The following MYO9B variants were observed in gnomAD, a reference collection of about 807,000 sequenced individuals.
The protein encoded by MYO9B is unconventional myosin-IXb.
A neutral mutation model predicts 229.5 loss-of-function variants in MYO9B; 71 were observed. The observed-to-expected ratio is 0.31, with a 90% CI of 0.26 to 0.38. The LOEUF is 0.38. MYO9B is among the 10% of genes least tolerant of loss of function. The pLI, the probability that MYO9B is intolerant of heterozygous loss-of-function variation, is 1.00. For missense variants in MYO9B, 2,255 were observed against 2,920.5 expected, an observed-to-expected ratio of 0.77 and a Z score of 5.25; for synonymous variants, 1,185 against 1,235.8, an observed-to-expected ratio of 0.96 and a Z score of 0.86.
intron 2 of MYO9B, among the ~76,000 whole-genome samples, chr19:17,134,611 G>A (rs1371975563): frequency 1.3e-5 from 2 of 151,324 alleles, no homozygotes; most frequent in East Asian, 2.0e-4. Flanking sequence ...GGTTGGTGTC[G>A]AACTGACCTC....
At chr19:17,149,620 G>C (rs575472714) in intron 3 of MYO9B, among the ~76,000 whole-genome samples, 5 of 152,180 alleles carry the variant, frequency 3.3e-5, no homozygotes, top group Admixed American at 3.3e-4. Flanking sequence ...AGCCGGCTCA[G>C]ACCGGTTCTG....
At chr19:17,211,064 A>G (rs1211992437) in intron 38 of MYO9B, among the ~76,000 whole-genome samples, 1 of 143,328 alleles carries the variant, frequency 7.0e-6, no homozygotes, top group Non-Finnish European at 1.5e-5. Context: ...GCTCACTGCA[A>G]CCTCCATCTC....
At chr19:17,139,821 C>G (rs868826987) in intron 2 of MYO9B, among the ~76,000 whole-genome samples, 3 of 152,216 alleles carry the variant, frequency 2.0e-5, no homozygotes, top group Middle Eastern at 3.4e-3. Context: ...GCAGGCGGAT[C>G]ACCTGAGGTT....
intron 1 of MYO9B, among the ~76,000 whole-genome samples, chr19:17,089,833 G>A (rs1197786361): frequency 6.6e-6 from 1 of 152,096 alleles, no homozygotes; most frequent in Non-Finnish European, 1.5e-5. Context: ...GTAACATTCA[G>A]TGCATTCACA....
At position 17,202,003 on chromosome 19, in the gene MYO9B, C is replaced by G. The variant is rs770361052; in HGVS notation, c.4641C>G (p.Ile1547Met). 2.5e-6 allele frequency: 4 copies of G among 1,612,776 alleles called. No homozygotes were observed. In the Admixed American group the frequency reaches 6.7e-5, roughly 27 times the overall value. ...CCACCGAGAAGTTCAGGAGCAACAT[C>G]AAAACGATGTACTCTGTCCCGGTAT... ...IEATEKFRSN[I>M]KTMYSVPNGK... The change falls in exon 27 of 40, where the codon ATC becomes ATG. Residue 1547 changes from isoleucine (I) to methionine (M), a missense_variant. By Grantham distance (10) the Ile-to-Met change is conservative. Transcript: ENST00000682292.
intron 10 of MYO9B, among the ~76,000 whole-genome samples, chr19:17,164,545 T>A (rs1482006415): frequency 6.6e-6 from 1 of 152,110 alleles, no homozygotes; most frequent in Non-Finnish European, 1.5e-5. Flanking sequence ...CATGCCCAGC[T>A]AATTTTTTGT....
Position 17,209,819 on chromosome 19 carries a change from T to G in MYO9B, c.5748+110T>G. 1.4e-4 allele frequency: 109 copies of G among 801,604 alleles called. No individual in the cohort carries two copies. In the Middle Eastern group the frequency reaches 1.5e-3, roughly 11 times the overall value. 49.7% of individuals were successfully genotyped at this position (801,604 alleles called of 1,614,324 possible). ...CTGGGAAGGCTGGTGAGTGGGGTCT[T>G]GGTGGGCGGGGCCTTGGGTGGGCAG... On this transcript the variant is annotated intron_variant, in intron 36 of 39. Transcript: ENST00000682292.
intron 2 of MYO9B, among the ~76,000 whole-genome samples, chr19:17,110,915 T>A (rs2145076501): frequency 6.6e-6 from 1 of 152,046 alleles, no homozygotes; most frequent in South Asian, 2.1e-4. Context: ...CTGGACCGGG[T>A]CCTGAGCTCC....
In MYO9B at chr19:17,158,786, G is replaced by A. The variant is rs567238459; in HGVS notation, c.1330-609G>A. Among the ~76,000 whole-genome samples, 10 of 152,304 alleles carry A rather than the reference G, an allele frequency of 6.6e-5. No individual in the cohort carries two copies. In the South Asian group the frequency reaches 1.9e-3, roughly 28 times the overall value. ...CTCCAATAGGCAAGGCGGCCACCTG[G>A]ACCCGTGGCTCGCACTCACATAAGG... On this transcript the variant is annotated intron_variant, in intron 7 of 39. Coordinates refer to ENST00000682292, the MANE Select transcript of MYO9B (RefSeq NM_004145.4).
chr19:17,078,413 G>A (rs955259769), intron 1 of MYO9B, among the ~76,000 whole-genome samples: 18 of 152,104 alleles, frequency 1.2e-4, no homozygotes, highest in Non-Finnish European at 1.8e-4. Flanking sequence ...GGTGATGTGC[G>A]CCTGTAGTCC....
chr19:17,095,173 G>A (rs1017449750), intron 1 of MYO9B, among the ~76,000 whole-genome samples: 12 of 152,262 alleles, frequency 7.9e-5, no homozygotes, highest in East Asian at 1.9e-4. Context: ...AACCCAGGAC[G>A]TGAAGGTTAC....
chr19:17,136,658 C>A (rs1381843994), intron 2 of MYO9B, among the ~76,000 whole-genome samples: 1 of 152,032 alleles, frequency 6.6e-6, no homozygotes, highest in Non-Finnish European at 1.5e-5. Context: ...ACAGGACGCC[C>A]CCATCACACA....
chr19:17,133,921 C>T (rs1331772473), intron 2 of MYO9B, among the ~76,000 whole-genome samples: 4 of 152,098 alleles, frequency 2.6e-5, no homozygotes, highest in East Asian at 1.9e-4. Flanking sequence ...CCACCACGCC[C>T]GGCTAATTTT....
intron 2 of MYO9B, among the ~76,000 whole-genome samples, chr19:17,103,971 G>A (rs761866540): frequency 1.1e-4 from 17 of 151,256 alleles, no homozygotes; most frequent in African/African-American, 2.4e-4. Flanking sequence ...CAGGAGAATC[G>A]CTTGAACCCG....
At chr19:17,157,371 A>G (rs2072548797) in intron 7 of MYO9B, 1 of 227,804 alleles carries the variant, frequency 4.4e-6, no homozygotes, top group Non-Finnish European at 8.9e-6. Context: ...ATTGGCTAAC[A>G]TGGCAAAACC....
chr19:17,120,008 A>G (rs1254575206), intron 2 of MYO9B, among the ~76,000 whole-genome samples: 1 of 152,206 alleles, frequency 6.6e-6, no homozygotes, highest in Non-Finnish European at 1.5e-5. Context: ...TACGAAAAAT[A>G]CAAAAATTAG....
In MYO9B at chr19:17,198,167, A is replaced by T. The variant is rs370324959; in HGVS notation, c.4114-17A>T. ...GCCAGCCTTTCCTTAGCAGCCCCCC[A>T]CTGCACCGTCTTGCAGCCTGCAGCA... On this transcript the variant is annotated splice_polypyrimidine_tract_variant and intron_variant, in intron 23 of 39. Coordinates refer to ENST00000682292, the MANE Select transcript of MYO9B (RefSeq NM_004145.4). 7 of 1,613,398 alleles carry T rather than the reference A, an allele frequency of 4.3e-6. No homozygotes were observed. The Admixed American group carries it at 6.7e-5, about 15-fold the overall frequency.
intron 14 of MYO9B, chr19:17,180,595 C>CT (rs2072847993): frequency 5.9e-6 from 1 of 168,710 alleles, no homozygotes; most frequent in African/African-American, 2.4e-5. Context: ...GGTGATCCAC[C>CT]CGCCTCGGCC....
In MYO9B at chr19:17,193,815, C is replaced by G. The variant is rs1398498351; in HGVS notation, c.3129-741C>G. Among the ~76,000 whole-genome samples, 1 of 152,148 alleles carries G rather than the reference C, an allele frequency of 6.6e-6. No individual in the cohort carries two copies. The highest frequency in any genetic ancestry group is 1.5e-5 in the Non-Finnish European group (1 of 68,026). The stretch of plus-strand genomic sequence containing the variant: ...ATCACCTGGGCCTGGGATGTCGAGG[C>G]TGCAGTGAGCTATGATCACACCACT... On this transcript the variant is annotated intron_variant, in intron 21 of 39. Transcript: ENST00000682292. This position sits in a 1 kb window ranked among gnomAD's most constrained non-coding sequence, Gnocchi z 4.3.
Sources: allele counts gnomAD v4.1 joint callset (sites outside exome capture counted in the v4.1 genomes callset), GRCh38; gene constraint gnomAD v4.1.1; non-coding constraint Gnocchi (gnomAD v3.1); transcripts MANE v1.5; gene names NCBI Gene and HGNC (gene_info 2026-07-23, HGNC 2026-07-21).